Variants in CCDC88C observed in about 807,000 individuals in gnomAD.
The protein encoded by CCDC88C is coiled-coil and HOOK domain protein 88C.
Under a neutral mutation model 198.8 loss-of-function variants are expected in CCDC88C, and 131 were observed. That is an observed-to-expected ratio of 0.66 (90% CI 0.57 to 0.76). The LOEUF is 0.76. Ranked by LOEUF, CCDC88C falls within the 30% of genes least tolerant of loss-of-function variation. The pLI is 0.00. For synonymous variants in CCDC88C, 1,166 were observed against 1,114.7 expected (o/e 1.05, Z -0.92); for missense variants, 2,553 against 2,631.6 (o/e 0.97, Z 0.65).
At chr14:91,276,104 G>T (rs2075355039) in intron 29 of CCDC88C, among the ~76,000 whole-genome samples, 2 of 152,078 alleles carry the variant, frequency 1.3e-5, no homozygotes, top group Admixed American at 1.3e-4. Flanking sequence ...ACAGGCGTGA[G>T]CCACCGCGCC....
chr14:91,303,237 T>G (rs1891389294), intron 20 of CCDC88C, among the ~76,000 whole-genome samples: 1 of 140,914 alleles, frequency 7.1e-6, no homozygotes, highest in Non-Finnish European at 1.5e-5. Context: ...CCACACACCC[T>G]GCCTCTCCCC....
intron 13 of CCDC88C, among the ~76,000 whole-genome samples, chr14:91,320,781 G>A (rs972162280): frequency 3.3e-5 from 5 of 152,304 alleles, no homozygotes; most frequent in African/African-American, 1.2e-4. Flanking sequence ...TGGGAGCAGT[G>A]GCGTGGAAGA....
At chr14:91,298,853 A>C (rs542374388) in intron 21 of CCDC88C, among the ~76,000 whole-genome samples, 51 of 152,216 alleles carry the variant, frequency 3.4e-4, no homozygotes, top group African/African-American at 1.2e-3. Context: ...TCGTATGGTC[A>C]AGCCTTTGCA....
At chr14:91,340,801 A>T (rs938291551) in intron 6 of CCDC88C, among the ~76,000 whole-genome samples, 2 of 152,180 alleles carry the variant, frequency 1.3e-5, no homozygotes, top group East Asian at 1.9e-4. Flanking sequence ...AAAACAAAAA[A>T]ACTCAGCTTG....
intron 3 of CCDC88C, among the ~76,000 whole-genome samples, chr14:91,363,145 T>A (rs1042389952): frequency 6.6e-6 from 1 of 152,158 alleles, no homozygotes; most frequent in African/African-American, 2.4e-5. Flanking sequence ...TTGAGACACA[T>A]TAATTTCAAA....
chr14:91,399,776 T>A (rs994012135), intron 3 of CCDC88C, among the ~76,000 whole-genome samples: 7 of 149,092 alleles, frequency 4.7e-5, no homozygotes, highest in African/African-American at 1.5e-4. Flanking sequence ...GAGGCAGAGG[T>A]TGCAGTGAGC....
rs780074127 is a variant in CCDC88C at position 91,303,760 on chromosome 14, G to A, written c.3576C>T (p.His1192=). 2 of 1,613,026 alleles carry A rather than the reference G, an allele frequency of 1.2e-6. No homozygotes were observed. Among genetic ancestry groups the A allele is most frequent in the Admixed American group, 1.7e-5 (1 of 59,896 alleles). Residue 1192 remains histidine (H), a synonymous_variant, in exon 20 of 30, where the codon CAC becomes CAT. Coordinates refer to ENST00000389857, the MANE Select transcript of CCDC88C (RefSeq NM_001080414.4). ...TCCGATGCAGTGTCTTTAGGCAGCT[G>A]TGCTGGCGGATGAGGGCCTCGTACT... ...SAEYEALIRQ[H]SCLKTLHRNL...
chr14:91,312,219 C>A (rs1286850225), intron 15 of CCDC88C, among the ~76,000 whole-genome samples: 1 of 150,444 alleles, frequency 6.6e-6, no homozygotes, highest in Non-Finnish European at 1.5e-5. Context: ...CGAAACCCCA[C>A]CTCTACTAAA....
At chr14:91,382,501 G>T (rs10131741) in intron 3 of CCDC88C, among the ~76,000 whole-genome samples, 2 of 152,050 alleles carry the variant, frequency 1.3e-5, no homozygotes, top group Admixed American at 6.5e-5. Flanking sequence ...AGGTCCCTAA[G>T]AAAGCTGTTC....
At position 91,284,781 on chromosome 14, in the gene CCDC88C, C is replaced by T. The variant is rs371782549; in HGVS notation, c.4442-1264G>A. Among the ~76,000 whole-genome samples, 422 of 152,262 alleles carry T rather than the reference C, an allele frequency of 2.8e-3. 19 individuals are homozygous for T. In the South Asian group the frequency reaches 0.086, roughly 31 times the overall value. ...ACTTACAGGACTGATACTAATCTTT[C>T]CTTTTAATACATTTAACTACAAACT... On this transcript the variant is annotated intron_variant, in intron 25 of 29. Coordinates refer to ENST00000389857, the MANE Select transcript of CCDC88C (RefSeq NM_001080414.4). The surrounding 1 kb of genome is among the most constrained non-coding windows in gnomAD (Gnocchi z 4.1).
chr14:91,293,407 C>T (rs74209170), intron 23 of CCDC88C, among the ~76,000 whole-genome samples: 5,782 of 11,650 alleles, frequency 0.5, 1,070 homozygotes, highest in Middle Eastern at 0.67. Context: ...CACCTTCCTG[C>T]CCCCTCACCT....
intron 3 of CCDC88C, among the ~76,000 whole-genome samples, chr14:91,396,814 G>A (rs1885870759): frequency 6.6e-6 from 1 of 152,144 alleles, no homozygotes; most frequent in Non-Finnish European, 1.5e-5. Context: ...GGGCAACACA[G>A]GGAGACTCTG....
intron 15 of CCDC88C, among the ~76,000 whole-genome samples, chr14:91,311,891 C>G (rs775337827): frequency 1.3e-4 from 20 of 151,290 alleles, no homozygotes; most frequent in East Asian, 7.8e-4. Context: ...TCTATGTATA[C>G]AAGGATGTCT....
In CCDC88C at chr14:91,324,957, T is replaced by C. The variant is rs76140190; in HGVS notation, c.1198-34A>G. On this transcript the variant is annotated intron_variant, in intron 11 of 29. Transcript: ENST00000389857. ...AGCAAGAAGAGGCAAGAAGTGAGGC[T>C]GCACAGCTGGAGATCCCCCTGGACA... 4,384 of 1,611,846 alleles carry C rather than the reference T, an allele frequency of 2.7e-3. 98 individuals carry two copies. The African/African-American group carries it at 0.051, about 19-fold the overall frequency.
chr14:91,341,940 T>C (rs1368817057), intron 6 of CCDC88C, among the ~76,000 whole-genome samples: 1 of 152,182 alleles, frequency 6.6e-6, no homozygotes, highest in Non-Finnish European at 1.5e-5. Context: ...TCCCAAGTGG[T>C]GTCAGCTTGT....
intron 3 of CCDC88C, among the ~76,000 whole-genome samples, chr14:91,362,141 G>A (rs996488834): frequency 3.9e-5 from 6 of 152,038 alleles, no homozygotes; most frequent in African/African-American, 1.5e-4. Context: ...GGCTGAGGCA[G>A]GAGAATTGCT....
chr14:91,313,262 C>T lies in CCDC88C; in HGVS notation c.2554G>A (p.Asp852Asn), dbSNP rs777136693. ...GCAGTGCTATCGTCCAAGACTGCAT[C>T]CTTGAGCTCCACCTGCTGCCACAGC... ...KRLWQQVELK[D>N]AVLDDSTAKL... The change falls in exon 15 of 30, where the codon GAT becomes AAT. Residue 852 changes from aspartate (D) to asparagine (N), a missense_variant. Physicochemically the swap from Asp to Asn is conservative, Grantham distance 23. Coordinates refer to ENST00000389857, the MANE Select transcript of CCDC88C (RefSeq NM_001080414.4). The surrounding 1 kb of genome is among the most constrained non-coding windows in gnomAD (Gnocchi z 5.2). 6.2e-7 allele frequency: 1 copy of T among 1,614,020 alleles called. No homozygotes were observed. Among genetic ancestry groups the T allele is most frequent in the Non-Finnish European group, 8.5e-7 (1 of 1,179,904 alleles).
At chr14:91,369,930 C>A (rs1054152964) in intron 3 of CCDC88C, among the ~76,000 whole-genome samples, 1 of 152,232 alleles carries the variant, frequency 6.6e-6, no homozygotes. Flanking sequence ...GAGGCTACCA[C>A]GTCATCAGAA....
In CCDC88C at chr14:91,305,790, A is replaced by G. The variant is rs774225515; in HGVS notation, c.3332T>C (p.Leu1111Pro). The change falls in exon 19 of 30, where the codon CTG (leucine) becomes CCG (proline). Residue 1111 changes from leucine to proline, a missense_variant. By Grantham distance (98) the Leu-to-Pro change is moderately conservative (BLOSUM62 -3). Coordinates refer to ENST00000389857, the MANE Select transcript of CCDC88C (RefSeq NM_001080414.4). ...CTGCAGCTTGGCGGTCTGGGTCTGC[A>G]GTGTGGTGTTGTGCTCCTGCAGGAA... ...SAFLQEHNTT[L>P]QTQTAKLQVE... 1.9e-6 allele frequency: 3 copies of G among 1,611,400 alleles called. No individual in the cohort carries two copies. The highest frequency in any genetic ancestry group is 3.3e-5 in the Admixed American group (2 of 59,994).
Sources: gnomAD v4.1 joint callset for allele counts (sites outside exome capture counted in the v4.1 genomes callset) on GRCh38, gnomAD v4.1.1 for gene constraint, Gnocchi (gnomAD v3.1) non-coding constraint, MANE v1.5 for transcripts, NCBI Gene and HGNC (gene_info 2026-07-23, HGNC 2026-07-21) for gene names.